The following SHISA6 variants were observed in gnomAD, a reference collection of about 807,000 sequenced individuals.
SHISA6 encodes the protein shisa family member 6.
Under a neutral mutation model 47.9 loss-of-function variants are expected in SHISA6, and 22 were observed. That is an observed-to-expected ratio of 0.46 (90% CI 0.33 to 0.66). The LOEUF (loss-of-function observed/expected upper bound fraction) is 0.66. Ranked by LOEUF, SHISA6 falls within the 30% of genes least tolerant of loss-of-function variation. The pLI is 0.02. For synonymous variants in SHISA6, 388 were observed against 337.8 expected, an observed-to-expected ratio of 1.15 and a Z score of -1.63; for missense variants, 680 against 764.6, an observed-to-expected ratio of 0.89 and a Z score of 1.30.
intron 3 of SHISA6, among the ~76,000 whole-genome samples, chr17:11,496,210 C>A (rs1567621353): frequency 6.6e-6 from 1 of 152,192 alleles, no homozygotes; most frequent in East Asian, 1.9e-4. Flanking sequence ...ATTTCCAGGT[C>A]CACAGGAGAG....
At chr17:11,385,252 G>A (rs1913154428) in intron 3 of SHISA6, among the ~76,000 whole-genome samples, 1 of 152,150 alleles carries the variant, frequency 6.6e-6, no homozygotes, top group Non-Finnish European at 1.5e-5. Context: ...GATTCCCGGG[G>A]AGAAGGGTCT....
intron 2 of SHISA6, among the ~76,000 whole-genome samples, chr17:11,331,070 T>C (rs1911089633): frequency 6.6e-6 from 1 of 152,194 alleles, no homozygotes; most frequent in Admixed American, 6.5e-5. Flanking sequence ...GAGAGTCAGA[T>C]TCCCCCATCT....
At chr17:11,433,638 G>C (rs1012703696) in intron 3 of SHISA6, among the ~76,000 whole-genome samples, 2 of 152,090 alleles carry the variant, frequency 1.3e-5, no homozygotes, top group Non-Finnish European at 2.9e-5. Flanking sequence ...CCATTACTGG[G>C]TATATACCCA....
At position 11,558,302 on chromosome 17, in the gene SHISA6, T is replaced by G. The variant is rs769157018; in HGVS notation, c.1654T>G (p.Ter552GlyextTer26). 2 of 1,537,248 alleles carry G rather than the reference T, an allele frequency of 1.3e-6. No individual in the cohort carries two copies. Among genetic ancestry groups the G allele is most frequent in the African/African-American group, 1.4e-5 (1 of 73,148 alleles). ...YTASKTEVTV[*>G] ...AGCCAGCAAGACCGAAGTGACCGTG[T>G]GACCGGCGGGGCAGGGCCGGGGCTG... is the stretch of plus-strand genomic sequence containing the variant. Residue 552 changes from the stop codon to glycine, a stop_lost, in exon 6 of 6, where the codon TGA becomes GGA. Coordinates refer to ENST00000441885, the MANE Select transcript of SHISA6 (RefSeq NM_207386.4).
At chr17:11,394,485 CCACT>C (rs1913497928) in intron 3 of SHISA6, among the ~76,000 whole-genome samples, 1 of 152,140 alleles carries the variant, frequency 6.6e-6, no homozygotes, top group African/African-American at 2.4e-5. Context: ...GAACCTATTA[CCACT>C]CAATCATATA....
intron 3 of SHISA6, among the ~76,000 whole-genome samples, chr17:11,432,154 T>C (rs1045675272): frequency 6.6e-6 from 1 of 152,124 alleles, no homozygotes; most frequent in African/African-American, 2.4e-5. Context: ...ATTGAGATGG[T>C]GGTGGAAGAA....
At chr17:11,379,284 C>G (rs1912927078) in intron 2 of SHISA6, 130 bp from the exon 3 acceptor site, 1 of 457,612 alleles carries the variant, frequency 2.2e-6, no homozygotes, top group Non-Finnish European at 3.8e-6. Flanking sequence ...TTCTTGGCTG[C>G]CTCCACCTTC....
intron 3 of SHISA6, among the ~76,000 whole-genome samples, chr17:11,462,200 G>A (rs898979064): frequency 1.3e-4 from 20 of 152,184 alleles, no homozygotes; most frequent in African/African-American, 4.3e-4. Context: ...CTCTCTGGGA[G>A]AGAGGGCAAA....
intron 3 of SHISA6, among the ~76,000 whole-genome samples, chr17:11,421,583 G>A (rs1393395238): frequency 6.6e-6 from 1 of 152,158 alleles, no homozygotes; most frequent in Non-Finnish European, 1.5e-5. Flanking sequence ...CCACGAGGTG[G>A]GAAGTGTGCA....
At chr17:11,321,147 C>A (rs1308268172) in intron 2 of SHISA6, among the ~76,000 whole-genome samples, 4 of 152,194 alleles carry the variant, frequency 2.6e-5, no homozygotes, top group Non-Finnish European at 1.5e-5. Flanking sequence ...CCTTGATCCT[C>A]AAGTCACAAG....
At chr17:11,379,740 A>C in intron 3 of SHISA6, 1 of 381,010 alleles carries the variant, frequency 2.6e-6, no homozygotes, top group East Asian at 5.9e-5. Context: ...CACTCCACCC[A>C]TGGCGGGGAC....
chr17:11,391,064 GAA>G (rs762615205), intron 3 of SHISA6, among the ~76,000 whole-genome samples: 5 of 152,180 alleles, frequency 3.3e-5, no homozygotes, highest in Non-Finnish European at 5.9e-5. Context: ...AGGAAAAGAA[GAA>G]AGTGACGGGC....
chr17:11,454,799 ACC>A (rs1915492628), intron 3 of SHISA6, among the ~76,000 whole-genome samples: 2 of 152,174 alleles, frequency 1.3e-5, no homozygotes, highest in Admixed American at 1.3e-4. Flanking sequence ...AAATGGGAGA[ACC>A]TTCAGAGCAG....
intron 2 of SHISA6, among the ~76,000 whole-genome samples, chr17:11,379,118 T>A (rs1003140638): frequency 6.7e-6 from 1 of 148,652 alleles, no homozygotes; most frequent in Non-Finnish European, 1.5e-5. Context: ...GTATATATAC[T>A]AATATACTAG....
intron 3 of SHISA6, among the ~76,000 whole-genome samples, chr17:11,385,329 C>T (rs141661482): frequency 0.035 from 5,372 of 152,096 alleles, 174 homozygotes; most frequent in Admixed American, 0.09. Flanking sequence ...GAGGCTGGAA[C>T]AGAAGGAGCC....
At chr17:11,273,017 C>G (rs1908738961) in intron 2 of SHISA6, among the ~76,000 whole-genome samples, 1 of 152,204 alleles carries the variant, frequency 6.6e-6, no homozygotes, top group Non-Finnish European at 1.5e-5. Flanking sequence ...CCCAGGAAAG[C>G]TGGAGAACGC....
At position 11,519,840 on chromosome 17, in the gene SHISA6, C is replaced by G. The variant is rs1597565458; in HGVS notation, c.896-32056C>G. On this transcript the variant is annotated intron_variant, in intron 3 of 5. Transcript: ENST00000441885. ...CAGTAAATACCTTCTTTCTTTCCTT[C>G]ATTTAACCTAGCTGAAGCATTCAGC... Among the ~76,000 whole-genome samples, 4 of 152,206 alleles carry G rather than the reference C, an allele frequency of 2.6e-5. No homozygotes were observed. In the South Asian group the frequency reaches 8.3e-4, roughly 32 times the overall value.
intron 3 of SHISA6, among the ~76,000 whole-genome samples, chr17:11,453,416 C>G (rs1915454126): frequency 6.6e-6 from 1 of 152,166 alleles, no homozygotes. Context: ...TCCAGAGACC[C>G]TCAGCGGGAC....
At chr17:11,398,118 G>A (rs1913635742) in intron 3 of SHISA6, among the ~76,000 whole-genome samples, 1 of 151,936 alleles carries the variant, frequency 6.6e-6, no homozygotes. Flanking sequence ...GGTTAGTTTT[G>A]CGTAATTTTG....
Sources: gnomAD v4.1 joint callset for allele counts (sites outside exome capture counted in the v4.1 genomes callset) on GRCh38, gnomAD v4.1.1 for gene constraint, MANE v1.5 for transcripts, NCBI Gene and HGNC (gene_info 2026-07-23, HGNC 2026-07-21) for gene names.